Variants in DNAH5 observed in about 807,000 individuals in gnomAD.
The protein encoded by DNAH5 is axonemal beta dynein heavy chain 5.
Under a neutral mutation model 518.2 loss-of-function variants are expected in DNAH5, and 372 were observed. That is an observed-to-expected ratio of 0.72 (90% confidence interval 0.66 to 0.78). The LOEUF (loss-of-function observed/expected upper bound fraction) is 0.78, where lower values mean the gene tolerates loss of function less well. DNAH5 is among the 30% of genes least tolerant of loss of function. The pLI is 0.00. For synonymous variants in DNAH5, 2,039 were observed against 2,025.9 expected (o/e 1.01, Z -0.17); for missense variants, 5,523 against 5,687.0 (o/e 0.97, Z 0.93).
At chr5:13,921,546 AAGTAATC>A (rs1444699687) in intron 5 of DNAH5, among the ~76,000 whole-genome samples, 1 of 145,684 alleles carries the variant, frequency 6.9e-6, no homozygotes, top group Non-Finnish European at 1.5e-5. Context: ...CCTCTGCCCC[AAGTAATC>A]ACAAACACAG....
chr5:13,814,214 TC>T (rs1162111313), intron 43 of DNAH5, among the ~76,000 whole-genome samples: 1 of 152,196 alleles, frequency 6.6e-6, no homozygotes, highest in Non-Finnish European at 1.5e-5. Context: ...ATAAACTGAC[TC>T]CAAGTTAATG....
At chr5:13,738,774 C>T (rs1267925976) in intron 65 of DNAH5, among the ~76,000 whole-genome samples, 2 of 152,062 alleles carry the variant, frequency 1.3e-5, no homozygotes, top group African/African-American at 2.4e-5. Context: ...TCAAATTGTA[C>T]ATGGATATCA....
intron 1 of DNAH5, among the ~76,000 whole-genome samples, chr5:13,960,202 G>A (rs1561008631): frequency 6.6e-6 from 1 of 152,036 alleles, no homozygotes; most frequent in South Asian, 2.1e-4. Flanking sequence ...AAATTGTTGA[G>A]TTAGGTTACT....
chr5:13,987,579 A>G (rs1163001251), intron 1 of DNAH5, among the ~76,000 whole-genome samples: 1 of 152,186 alleles, frequency 6.6e-6, no homozygotes, highest in Non-Finnish European at 1.5e-5. Flanking sequence ...CTTGCCAGGC[A>G]CAGTGGCTCA....
At chr5:13,877,591 C>T (rs1771070680) in intron 21 of DNAH5, among the ~76,000 whole-genome samples, 1 of 152,198 alleles carries the variant, frequency 6.6e-6, no homozygotes, top group African/African-American at 2.4e-5. Context: ...AGTGGAGAGA[C>T]TCCTGCTTAT....
chr5:13,774,621 T>C (rs1289468354), intron 55 of DNAH5, among the ~76,000 whole-genome samples: 1 of 152,156 alleles, frequency 6.6e-6, no homozygotes, highest in African/African-American at 2.4e-5. Context: ...TGAAGCTCAA[T>C]ATGTACGTTC....
intron 65 of DNAH5, among the ~76,000 whole-genome samples, chr5:13,744,177 C>G (rs6862904): frequency 0.24 from 37,028 of 151,802 alleles, 4,756 homozygotes; most frequent in African/African-American, 0.3. Context: ...TCCTGTCATT[C>G]ACAGCACCAT....
chr5:13,710,087 C>A (rs1743289612), intron 75 of DNAH5, among the ~76,000 whole-genome samples: 1 of 152,128 alleles, frequency 6.6e-6, no homozygotes, highest in South Asian at 2.1e-4. Context: ...TCCGCCAGAA[C>A]AAATGCTGCT....
intron 60 of DNAH5, among the ~76,000 whole-genome samples, chr5:13,760,285 A>G (rs1411317502): frequency 1.3e-5 from 2 of 152,186 alleles, no homozygotes; most frequent in Non-Finnish European, 1.5e-5. Context: ...TTCAAACCCA[A>G]TTAATTGCTC....
intron 55 of DNAH5, among the ~76,000 whole-genome samples, chr5:13,775,151 A>C (rs2126804417): frequency 6.8e-6 from 1 of 146,400 alleles, no homozygotes; most frequent in South Asian, 2.1e-4. Context: ...TTTTTTTCAA[A>C]TCTTACCTCC....
At chr5:13,829,890 C>A in intron 37 of DNAH5, 136 bp downstream of exon 37, 2 of 1,012,572 alleles carry the variant, frequency 2.0e-6, no homozygotes, top group Non-Finnish European at 3.0e-6. Flanking sequence ...TTGCTTAACA[C>A]CAAAAGGTTT....
rs1561487993 is a variant in DNAH5, at chr5:13,876,825, G to GA, written c.3263-9dup. 2 of 1,611,876 alleles carry GA rather than the reference G, an allele frequency of 1.2e-6. No homozygotes were observed. Among genetic ancestry groups the GA allele is most frequent in the African/African-American group, 1.3e-5 (1 of 74,824 alleles). On this transcript the variant is annotated splice_polypyrimidine_tract_variant and intron_variant, in intron 21 of 78. Coordinates refer to ENST00000265104, the MANE Select transcript of DNAH5 (RefSeq NM_001369.3). Reference sequence around the variant, plus strand: ...ATGCTATCTCCAAGGTATCTAAAAAGAAAAAAAGAAGAGAAAACTTTACAC... The same window carrying GA: ...ATGCTATCTCCAAGGTATCTAAAAAGAAAAAAAAGAAGAGAAAACTTTACAC...
intron 60 of DNAH5, among the ~76,000 whole-genome samples, chr5:13,761,268 T>C (rs1751730411): frequency 6.6e-6 from 1 of 152,154 alleles, no homozygotes; most frequent in Non-Finnish European, 1.5e-5. Flanking sequence ...AGAAAAAAAC[T>C]ATGCATCATG....
intron 1 of DNAH5, among the ~76,000 whole-genome samples, chr5:13,952,994 T>C (rs1422562138): frequency 6.6e-6 from 1 of 152,266 alleles, no homozygotes; most frequent in Non-Finnish European, 1.5e-5. Context: ...TGCTACTTAA[T>C]GCGTTGTCAC....
chr5:13,723,218 G>T (rs30165), intron 70 of DNAH5, among the ~76,000 whole-genome samples: 55,450 of 152,064 alleles, frequency 0.36, 10,470 homozygotes, highest in South Asian at 0.45. Flanking sequence ...GCCTCTGGCA[G>T]GTGTTTAATA....
intron 21 of DNAH5, among the ~76,000 whole-genome samples, chr5:13,877,623 G>A (rs1010129611): frequency 1.3e-5 from 2 of 152,134 alleles, no homozygotes; most frequent in Non-Finnish European, 2.9e-5. Flanking sequence ...AAACATATCC[G>A]CATCAAAGGG....
rs906783536 is a variant in DNAH5 at position 13,752,536 on chromosome 5, T to G, written c.10873-247A>C. Among the ~76,000 whole-genome samples the G allele has an allele frequency of 3.9e-5, 6 of 152,342 alleles. No homozygotes were observed. In the South Asian group the frequency reaches 8.3e-4, roughly 21 times the overall value. The stretch of plus-strand genomic sequence containing the variant: ...ACAAACTTTGTTTCATGCATAAAAT[T>G]GTTTAAAATATTGTATAAAATTACC... On this transcript the variant is annotated intron_variant, in intron 63 of 78. Transcript: ENST00000265104.
At chr5:13,940,614 G>A (rs534323982) in intron 1 of DNAH5, among the ~76,000 whole-genome samples, 113 of 152,188 alleles carry the variant, frequency 7.4e-4, no homozygotes, top group South Asian at 3.7e-3. Context: ...CCCAGGCACC[G>A]GCATTTCTCC....
In DNAH5 at chr5:13,901,461, G is replaced by A. The variant is rs758391489; in HGVS notation, c.1843C>T (p.Pro615Ser). ...KLYTKQKYDP[P>S]LARNQPPIAG... ...ATGGGAGGCTGGTTTCGAGCCAGAG[G>A]AGGATCGTATTTCTGCTTTGTATAC... The change falls in exon 14 of 79, where the codon CCT (proline) becomes TCT (serine). Residue 615 changes from proline to serine, a missense_variant. This residue lies in a region of DNAH5 where 5,121 missense variants were observed against 5,223.3 expected (regional missense o/e 0.98). Transcript: ENST00000265104. 3 of 1,613,970 alleles carry A rather than the reference G, an allele frequency of 1.9e-6. No individual in the cohort carries two copies. The South Asian group carries it at 3.3e-5, about 18-fold the overall frequency.
Sources: gnomAD v4.1 joint callset for allele counts (sites outside exome capture counted in the v4.1 genomes callset) on GRCh38, gnomAD v4.1.1 for gene constraint, gnomAD v4.1.1 regional missense constraint, MANE v1.5 for transcripts, NCBI Gene and HGNC (gene_info 2026-07-23, HGNC 2026-07-21) for gene names.